GLIS3: variants seen among roughly 807,000 people sequenced by gnomAD.
GLIS3 encodes the protein zinc finger protein GLIS3.
GLIS3 carries 53 observed loss-of-function variants against 78.6 expected under a neutral mutation model. That is an observed-to-expected ratio of 0.67 (90% CI 0.54 to 0.85). The LOEUF is 0.85. Ranked by LOEUF, GLIS3 falls within the 40% of genes least tolerant of loss-of-function variation. The probability of loss-of-function intolerance (pLI) is 0.00; values close to 1 mark genes in which losing one functional copy is unlikely to be tolerated. For synonymous variants in GLIS3, 684 were observed against 509.9 expected, an observed-to-expected ratio of 1.34 and a Z score of -4.60; for missense variants, 1,703 against 1,231.1, an observed-to-expected ratio of 1.38 and a Z score of -5.74.
At chr9:3,958,173 T>C (rs1280199441) in intron 4 of GLIS3, among the ~76,000 whole-genome samples, 4 of 152,178 alleles carry the variant, frequency 2.6e-5, no homozygotes, top group Non-Finnish European at 5.9e-5. Flanking sequence ...ACCAAGCCCT[T>C]AGTGAACAAC....
the GLIS3 span, among the ~76,000 whole-genome samples, chr9:4,353,881 G>A: frequency 3.3e-5 from 5 of 152,122 alleles, no homozygotes; most frequent in Admixed American, 2.6e-4. Context: ...AGGATGGAGT[G>A]CAGTGGCGCG....
chr9:4,251,590 C>A (rs1824393956), intron 2 of GLIS3, among the ~76,000 whole-genome samples: 1 of 152,154 alleles, frequency 6.6e-6, no homozygotes, highest in Non-Finnish European at 1.5e-5. Context: ...CTAATTGGGG[C>A]ATTTAGCCCA....
intron 2 of GLIS3, among the ~76,000 whole-genome samples, chr9:4,167,031 G>C (rs1041220063): frequency 1.3e-5 from 2 of 151,966 alleles, no homozygotes; most frequent in Non-Finnish European, 2.9e-5. Flanking sequence ...AAAGACAGAC[G>C]AACAAAACAT....
intron 2 of GLIS3, among the ~76,000 whole-genome samples, chr9:4,200,285 G>GA (rs1819253136): frequency 6.6e-6 from 1 of 150,728 alleles, no homozygotes; most frequent in Non-Finnish European, 1.5e-5. Context: ...GCTAGCAGAA[G>GA]AAAATAAATA....
intron 7 of GLIS3, among the ~76,000 whole-genome samples, chr9:3,883,893 A>T (rs1046545246): frequency 2.6e-5 from 4 of 152,236 alleles, no homozygotes; most frequent in Admixed American, 2.6e-4. Flanking sequence ...TGAGATGAAT[A>T]CGTGAGCCTT....
At chr9:4,429,614 T>A in the GLIS3 span, among the ~76,000 whole-genome samples, 8 of 152,160 alleles carry the variant, frequency 5.3e-5, no homozygotes, top group Non-Finnish European at 4.4e-5. Context: ...CAATTTTACA[T>A]CTATGTGTAT....
intron 7 of GLIS3, among the ~76,000 whole-genome samples, chr9:3,892,940 G>C (rs1822558888): frequency 6.6e-6 from 1 of 151,746 alleles, no homozygotes; most frequent in South Asian, 2.1e-4. Flanking sequence ...TTGATCACTG[G>C]TGAAATTATA....
At chr9:4,046,673 CATT>C (rs1825278350) in intron 4 of GLIS3, among the ~76,000 whole-genome samples, 1 of 152,186 alleles carries the variant, frequency 6.6e-6, no homozygotes, top group Non-Finnish European at 1.5e-5. Flanking sequence ...TCTAGCGTTG[CATT>C]TTTTGAGGGA....
chr9:4,086,099 T>C (rs1174986348), intron 4 of GLIS3, among the ~76,000 whole-genome samples: 1 of 152,246 alleles, frequency 6.6e-6, no homozygotes, highest in Admixed American at 6.5e-5. Flanking sequence ...AGAAATTCAA[T>C]GTCTCTCACA....
At chr9:4,214,153 T>C (rs2131307864) in intron 2 of GLIS3, among the ~76,000 whole-genome samples, 1 of 152,276 alleles carries the variant, frequency 6.6e-6, no homozygotes, top group East Asian at 1.9e-4. Flanking sequence ...TGGTGAAAGT[T>C]AATGGAACAA....
At chr9:4,343,581 A>G (rs1451927577) in intron 2 of GLIS3, among the ~76,000 whole-genome samples, 1 of 152,240 alleles carries the variant, frequency 6.6e-6, no homozygotes, top group Non-Finnish European at 1.5e-5. Context: ...CTAAAGGAAT[A>G]TAAATCATTC....
At chr9:4,450,305 G>A in the GLIS3 span, among the ~76,000 whole-genome samples, 1 of 152,104 alleles carries the variant, frequency 6.6e-6, no homozygotes, top group East Asian at 1.9e-4. Context: ...AGAAAAAAGA[G>A]TAAAAAGAAA....
At chr9:4,486,595 G>A in the GLIS3 span, among the ~76,000 whole-genome samples, 40 of 152,234 alleles carry the variant, frequency 2.6e-4, no homozygotes, top group Admixed American at 2.0e-3. Context: ...GTGTGTATAC[G>A]TTCAATACAT....
At chr9:4,037,562 A>G (rs1264822119) in intron 4 of GLIS3, among the ~76,000 whole-genome samples, 2 of 149,500 alleles carry the variant, frequency 1.3e-5, no homozygotes, top group Non-Finnish European at 3.0e-5. Context: ...ACACACACAC[A>G]CACACACACA....
chr9:4,205,497 T>C (rs1281264937), intron 2 of GLIS3, among the ~76,000 whole-genome samples: 2 of 152,152 alleles, frequency 1.3e-5, no homozygotes, highest in Admixed American at 6.5e-5. Context: ...CCCTGGAAGA[T>C]TTGATGTGAG....
rs557170952 is a variant in GLIS3 at position 4,340,736 on chromosome 9, C to A, written n.264+6345G>T. Among the ~76,000 whole-genome samples the A allele has an allele frequency of 2.1e-3, 325 of 152,264 alleles. 1 individual carries two copies. The highest frequency in any genetic ancestry group is 7.6e-3 in the African/African-American group (316 of 41,550). On this transcript the variant is annotated intron_variant and non_coding_transcript_variant, in intron 2 of 4. Coordinates refer to the GLIS3 transcript ENST00000471664. The stretch of plus-strand genomic sequence containing the variant: ...CAGAGTCTCGCTCTGTCACCCATCA[C>A]CCAGGCTGGAGTTCAGTGGCACTAT...
intron 2 of GLIS3, among the ~76,000 whole-genome samples, chr9:4,196,534 A>T (rs1818868053): frequency 6.6e-6 from 1 of 152,214 alleles, no homozygotes; most frequent in African/African-American, 2.4e-5. Flanking sequence ...TCCTGAGGCC[A>T]GCAAGACCAC....
chr9:4,325,370 C>A (rs1269835805), intron 2 of GLIS3, among the ~76,000 whole-genome samples: 1 of 152,104 alleles, frequency 6.6e-6, no homozygotes, highest in African/African-American at 2.4e-5. Flanking sequence ...TGTGCTAGGG[C>A]ATAATGTTTG....
chr9:4,014,740 C>T (rs745922733), intron 4 of GLIS3, among the ~76,000 whole-genome samples: 12 of 152,196 alleles, frequency 7.9e-5, no homozygotes, highest in Non-Finnish European at 1.6e-4. Flanking sequence ...AGGGCAGCCA[C>T]AGGAAACTAG....
Sources: gnomAD v4.1 joint callset for allele counts (sites outside exome capture counted in the v4.1 genomes callset) on GRCh38, gnomAD v4.1.1 for gene constraint, MANE v1.5 for transcripts, NCBI Gene and HGNC (gene_info 2026-07-23, HGNC 2026-07-21) for gene names.